The following KSR2 variants were observed in gnomAD, a reference collection of about 807,000 sequenced individuals.
KSR2 encodes kinase suppressor of ras 2.
Under a neutral mutation model 107.8 loss-of-function variants are expected in KSR2, and 25 were observed. That is an observed-to-expected ratio of 0.23 (90% CI 0.17 to 0.32). The LOEUF is 0.32. Among genes scored for constraint, KSR2 ranks in the 10% least tolerant of loss-of-function variants. KSR2 has a pLI of 1.00. For missense variants in KSR2, 887 were observed against 1,268.9 expected (o/e 0.70, Z 4.57); for synonymous variants, 480 against 507.0 (o/e 0.95, Z 0.71).
intron 7 of KSR2, among the ~76,000 whole-genome samples, chr12:117,573,007 A>G (rs1228263993): frequency 6.6e-6 from 1 of 152,250 alleles, no homozygotes; most frequent in Non-Finnish European, 1.5e-5. Flanking sequence ...CTGACATTCT[A>G]CACTCAGAGC....
rs185327059 is a variant in KSR2, at chr12:117,710,150, C to T, written c.987-42492G>A. On this transcript the variant is annotated intron_variant, in intron 4 of 19. Transcript: ENST00000339824. ...GGAGAGAAATGAGTGAAAAAAATAG[C>T]GAGCCCCGACAGGTAATGATGCCAT... Among the ~76,000 whole-genome samples the T allele has an allele frequency of 5.3e-5, 8 of 152,146 alleles. No homozygotes were observed. The East Asian group carries it at 7.7e-4, about 15-fold the overall frequency.
At chr12:117,777,139 T>TTATA (rs557336353) in intron 3 of KSR2, among the ~76,000 whole-genome samples, 13 of 136,744 alleles carry the variant, frequency 9.5e-5, no homozygotes, top group African/African-American at 3.7e-4. Flanking sequence ...ATACACTATA[T>TTATA]TATATATATA....
At chr12:117,676,002 C>T (rs1885101125) in intron 4 of KSR2, among the ~76,000 whole-genome samples, 1 of 152,230 alleles carries the variant, frequency 6.6e-6, no homozygotes, top group South Asian at 2.1e-4. Flanking sequence ...AAATCCTTTG[C>T]TCTTGGGCTG....
Position 117,762,824 on chromosome 12 carries a change from C to T in KSR2, c.473-1300G>A, listed in dbSNP as rs562800618. Among the ~76,000 whole-genome samples, 7 of 151,482 alleles carry T rather than the reference C, an allele frequency of 4.6e-5. No individual in the cohort carries two copies. In the South Asian group the frequency reaches 6.3e-4, roughly 14 times the overall value. ...CAGAGGTTGCAGTGAGCTGAGATCG[C>T]ACCATTGCACTCCAGCCTGGGCAAC... is the stretch of plus-strand genomic sequence containing the variant. On this transcript the variant is annotated intron_variant, in intron 3 of 19. Transcript: ENST00000339824.
At chr12:117,711,903 G>A (rs1179465198) in intron 4 of KSR2, among the ~76,000 whole-genome samples, 2 of 152,172 alleles carry the variant, frequency 1.3e-5, no homozygotes, top group Non-Finnish European at 2.9e-5. Flanking sequence ...TGGGGATCAG[G>A]GAGACACCGC....
At chr12:117,747,983 CAAAGAG>C (rs1565993850) in intron 4 of KSR2, among the ~76,000 whole-genome samples, 2 of 152,154 alleles carry the variant, frequency 1.3e-5, no homozygotes, top group African/African-American at 4.8e-5. Context: ...ATCAGTATGT[CAAAGAG>C]ATATCTGCAC....
chr12:117,871,772 G>C (rs74358497), intron 1 of KSR2, among the ~76,000 whole-genome samples: 1 of 152,152 alleles, frequency 6.6e-6, no homozygotes, highest in African/African-American at 2.4e-5. Context: ...TATGATAGGT[G>C]AAATTTATTT....
At chr12:117,523,268 C>G (rs1443150760) in intron 14 of KSR2, among the ~76,000 whole-genome samples, 2 of 152,218 alleles carry the variant, frequency 1.3e-5, no homozygotes, top group Non-Finnish European at 2.9e-5. Context: ...TCTGAGCCCA[C>G]AGCATCTGTT....
chr12:117,528,139 A>G (rs1309443129), intron 12 of KSR2, among the ~76,000 whole-genome samples: 2 of 152,080 alleles, frequency 1.3e-5, no homozygotes, highest in Non-Finnish European at 2.9e-5. Context: ...TCTTGTGTGC[A>G]TGTGAGTTGG....
intron 5 of KSR2, among the ~76,000 whole-genome samples, chr12:117,631,786 A>C (rs1388788245): frequency 6.6e-6 from 1 of 152,236 alleles, no homozygotes; most frequent in Admixed American, 6.5e-5. Flanking sequence ...GAAATAATAC[A>C]CAAAAAGTAC....
At chr12:117,524,530 G>A (rs1020749818) in intron 14 of KSR2, among the ~76,000 whole-genome samples, 11 of 152,182 alleles carry the variant, frequency 7.2e-5, no homozygotes, top group South Asian at 2.1e-4. Context: ...AGCCAGGTGT[G>A]ATGGCACACA....
At chr12:117,898,684 C>T (rs990796882) in intron 1 of KSR2, among the ~76,000 whole-genome samples, 1 of 151,400 alleles carries the variant, frequency 6.6e-6, no homozygotes, top group African/African-American at 2.4e-5. Flanking sequence ...GTACAGTGTC[C>T]ATCAACAGCT....
chr12:117,600,573 G>A (rs77879987), intron 5 of KSR2, among the ~76,000 whole-genome samples: 6,615 of 152,206 alleles, frequency 0.043, 253 homozygotes, highest in East Asian at 0.16. Flanking sequence ...CAGGATTGAT[G>A]AACTCCTAAA....
chr12:117,694,842 A>ATTAT (rs1555228648), intron 4 of KSR2, among the ~76,000 whole-genome samples: 1 of 68,332 alleles, frequency 1.5e-5, no homozygotes, highest in Non-Finnish European at 2.6e-5. Context: ...ATGTTGTATG[A>ATTAT]TTCTTTTTTT....
In KSR2 at chr12:117,968,188, T is replaced by C; in HGVS notation, c.68A>G (p.Gln23Arg). The C allele has an allele frequency of 1.9e-6, 3 of 1,613,048 alleles. No individual in the cohort carries two copies. Among genetic ancestry groups the C allele is most frequent in the Non-Finnish European group, 2.5e-6 (3 of 1,179,628 alleles). ...QPLSLQKALQ[Q>R]CELVQNMIDL... is the part of the protein sequence containing the mutation. ...TATCATGTTTTGGACCAGTTCGCACTGCTGTAAGGCTTTTTGCAAACTCAG... is the reference window on the plus strand; with the variant it reads ...TATCATGTTTTGGACCAGTTCGCACCGCTGTAAGGCTTTTTGCAAACTCAG... Residue 23 changes from glutamine to arginine, a missense_variant, in exon 1 of 20, where the codon CAG becomes CGG. By Grantham distance (43) the Gln-to-Arg change is conservative. Around this residue, in one of 8 missense-constraint regions of KSR2, gnomAD observed 32 missense variants for 25.9 expected, o/e 1.23. Transcript: ENST00000339824.
intron 3 of KSR2, among the ~76,000 whole-genome samples, chr12:117,786,433 T>G (rs903370997): frequency 1.3e-5 from 2 of 152,168 alleles, no homozygotes; most frequent in Non-Finnish European, 2.9e-5. Flanking sequence ...ACCACCCAAG[T>G]ACTAAGCTTA....
intron 4 of KSR2, among the ~76,000 whole-genome samples, chr12:117,726,421 G>A (rs1887427995): frequency 6.6e-6 from 1 of 152,200 alleles, no homozygotes; most frequent in African/African-American, 2.4e-5. Context: ...CAAGGAGATA[G>A]GGCGGGATTT....
intron 4 of KSR2, among the ~76,000 whole-genome samples, chr12:117,754,466 CG>C (rs1281075425): frequency 2.6e-5 from 4 of 151,906 alleles, no homozygotes; most frequent in African/African-American, 9.7e-5. Flanking sequence ...GGTGAAATCC[CG>C]TCTCTACTAA....
chr12:117,575,278 T>C (rs950915065), intron 7 of KSR2, among the ~76,000 whole-genome samples: 1 of 152,208 alleles, frequency 6.6e-6, no homozygotes, highest in African/African-American at 2.4e-5. Context: ...TAAATATTAG[T>C]TGAATAAGTG....
Sources: gnomAD v4.1 joint callset for allele counts (sites outside exome capture counted in the v4.1 genomes callset) on GRCh38, gnomAD v4.1.1 for gene constraint, gnomAD v4.1.1 regional missense constraint, MANE v1.5 for transcripts, NCBI Gene and HGNC (gene_info 2026-07-23, HGNC 2026-07-21) for gene names.